Variants in SLC39A11 observed in about 807,000 individuals in gnomAD.
SLC39A11 encodes the protein solute carrier family 39 member 11.
A neutral mutation model predicts 36.1 loss-of-function variants in SLC39A11; 33 were observed. That is an observed-to-expected ratio of 0.91 (90% CI 0.69 to 1.22). The LOEUF (loss-of-function observed/expected upper bound fraction) is 1.22. SLC39A11 is among the 50% of genes most tolerant of loss of function. SLC39A11 has a pLI of 0.00. For synonymous variants in SLC39A11, 166 were observed against 170.3 expected (o/e 0.97, Z 0.20); for missense variants, 432 against 430.3 (o/e 1.00, Z -0.03).
intron 6 of SLC39A11, among the ~76,000 whole-genome samples, chr17:72,792,143 A>G (rs1048363253): frequency 6.6e-5 from 10 of 152,212 alleles, no homozygotes; most frequent in Non-Finnish European, 1.0e-4. Flanking sequence ...AGCTGAACAT[A>G]TGACAAGCAA....
intron 5 of SLC39A11, among the ~76,000 whole-genome samples, chr17:72,933,534 T>C (rs1434322647): frequency 6.6e-6 from 1 of 152,184 alleles, no homozygotes; most frequent in East Asian, 1.9e-4. Flanking sequence ...GGATTTGTTT[T>C]TCTGAGATGG....
chr17:72,911,097 C>T (rs866739539), intron 5 of SLC39A11, among the ~76,000 whole-genome samples: 2 of 152,034 alleles, frequency 1.3e-5, no homozygotes, highest in African/African-American at 4.8e-5. Context: ...ACAGAGTAAT[C>T]ACACCTTTAT....
intron 7 of SLC39A11, among the ~76,000 whole-genome samples, chr17:72,719,518 T>C (rs2567506): frequency 0.57 from 86,574 of 152,066 alleles, 25,250 homozygotes; most frequent in Admixed American, 0.63. Context: ...TGTAGTGGCC[T>C]GACCTTCCTC....
chr17:72,702,686 C>T (rs1390327900), intron 7 of SLC39A11, among the ~76,000 whole-genome samples: 1 of 151,946 alleles, frequency 6.6e-6, no homozygotes, highest in African/African-American at 2.4e-5. Flanking sequence ...AATGTAATCC[C>T]AACACTTTGG....
intron 1 of SLC39A11, among the ~76,000 whole-genome samples, chr17:73,090,922 T>C (rs541018240): frequency 5.9e-4 from 90 of 152,314 alleles, no homozygotes; most frequent in Non-Finnish European, 1.0e-3. Context: ...GCAAGCCCAG[T>C]GCCCCTCGGA....
chr17:72,779,837 C>T (rs1271043836), intron 6 of SLC39A11, among the ~76,000 whole-genome samples: 1 of 152,194 alleles, frequency 6.6e-6, no homozygotes, highest in African/African-American at 2.4e-5. Context: ...TTGCTCTTAG[C>T]CCTGCCCTTA....
intron 6 of SLC39A11, among the ~76,000 whole-genome samples, chr17:72,740,910 G>A (rs1275193423): frequency 6.6e-6 from 1 of 152,280 alleles, no homozygotes; most frequent in African/African-American, 2.4e-5. Context: ...GAGTAGCTGG[G>A]ATTACAGGCG....
intron 6 of SLC39A11, among the ~76,000 whole-genome samples, chr17:72,737,971 T>C (rs920107890): frequency 2.6e-5 from 4 of 152,010 alleles, no homozygotes; most frequent in Non-Finnish European, 5.9e-5. Flanking sequence ...AGGGGTGGCG[T>C]GATCACCACC....
intron 5 of SLC39A11, among the ~76,000 whole-genome samples, chr17:72,884,934 A>G (rs1273659943): frequency 6.6e-6 from 1 of 151,770 alleles, no homozygotes; most frequent in Non-Finnish European, 1.5e-5. Flanking sequence ...TGGTAATATT[A>G]AATGAGTCTT....
In SLC39A11 at chr17:73,006,826, T is replaced by C. The variant is rs539337392; in HGVS notation, c.306+24730A>G. Among the ~76,000 whole-genome samples the C allele has an allele frequency of 1.0e-3, 152 of 152,252 alleles. 1 individual carries two copies. The highest frequency in any genetic ancestry group is 3.4e-3 in the African/African-American group (143 of 41,534). On this transcript the variant is annotated intron_variant, in intron 4 of 9. Coordinates refer to ENST00000255559, the MANE Select transcript of SLC39A11 (RefSeq NM_139177.4). ...ACCGTTCACACATTTAGGAAGCGTT[T>C]ATTGCGGCGGGAGTTGTTAGGGGAG...
At position 72,810,084 on chromosome 17, in the gene SLC39A11, C is replaced by CAA. The variant is rs10708067; in HGVS notation, c.601+39548_601+39549dup. 2.3e-3 allele frequency among the ~76,000 whole-genome samples: 319 copies of CAA among 136,696 alleles called. 2 individuals are homozygous for CAA. Among genetic ancestry groups the CAA allele is most frequent in the Middle Eastern group, 0.012 (3 of 258 alleles). The allele number at this position is 136,696 out of a possible 152,430, so 89.7% of individuals were successfully genotyped here. ...GTCTCAAAAACAAAAACAAAAACAA[C>CAA]AAAAAAAAAAAAAAAGAAAAGAAAA... is the stretch of plus-strand genomic sequence containing the variant. On this transcript the variant is annotated intron_variant, in intron 6 of 9. Coordinates refer to ENST00000255559, the MANE Select transcript of SLC39A11 (RefSeq NM_139177.4).
chr17:73,057,738 G>A (rs2059713584), intron 3 of SLC39A11, among the ~76,000 whole-genome samples: 1 of 152,180 alleles, frequency 6.6e-6, no homozygotes, highest in African/African-American at 2.4e-5. Flanking sequence ...AGGAGTACGA[G>A]ACCAGCCTGG....
chr17:72,923,893 C>T (rs1007029684), intron 5 of SLC39A11, among the ~76,000 whole-genome samples: 10 of 152,064 alleles, frequency 6.6e-5, no homozygotes, highest in Admixed American at 5.2e-4. Flanking sequence ...ACCTATAATC[C>T]CAACACTCTG....
intron 7 of SLC39A11, among the ~76,000 whole-genome samples, chr17:72,683,982 C>G (rs2071625721): frequency 6.6e-6 from 1 of 152,154 alleles, no homozygotes; most frequent in African/African-American, 2.4e-5. Flanking sequence ...AGTGGAGGGG[C>G]TCTTTAAGTC....
chr17:72,947,548 G>T (rs1202211558), intron 5 of SLC39A11: 2 of 712,136 alleles, frequency 2.8e-6, no homozygotes, highest in Non-Finnish European at 2.4e-6. Flanking sequence ...CTAAGCATGT[G>T]GTTTGGACAA....
intron 7 of SLC39A11, among the ~76,000 whole-genome samples, chr17:72,721,526 C>T (rs956759232): frequency 2.0e-5 from 3 of 152,164 alleles, no homozygotes; most frequent in Non-Finnish European, 4.4e-5. Flanking sequence ...AGGTAAAAGA[C>T]AGCACAGGAC....
At chr17:73,006,826 T>G (rs539337392) in intron 4 of SLC39A11, among the ~76,000 whole-genome samples, 12 of 152,134 alleles carry the variant, frequency 7.9e-5, no homozygotes, top group African/African-American at 2.9e-4. Flanking sequence ...AGGAAGCGTT[T>G]ATTGCGGCGG....
chr17:73,032,422 G>T (rs1308954260), intron 3 of SLC39A11, among the ~76,000 whole-genome samples: 1 of 152,042 alleles, frequency 6.6e-6, no homozygotes, highest in African/African-American at 2.4e-5. Flanking sequence ...GGCCAGGCTG[G>T]TCTCAAACTC....
intron 5 of SLC39A11, among the ~76,000 whole-genome samples, chr17:72,860,027 GA>G (rs2079884485): frequency 9.0e-6 from 1 of 111,604 alleles, no homozygotes; most frequent in Non-Finnish European, 1.8e-5. Context: ...GAGGGGAGGG[GA>G]GGGGAGGGGA....
Sources: gnomAD v4.1 joint callset for allele counts (sites outside exome capture counted in the v4.1 genomes callset) on GRCh38, gnomAD v4.1.1 for gene constraint, MANE v1.5 for transcripts, NCBI Gene and HGNC (gene_info 2026-07-23, HGNC 2026-07-21) for gene names.